TMEM161B: variants seen among roughly 807,000 people sequenced by gnomAD.
TMEM161B encodes the protein transmembrane protein 161B.
A neutral mutation model predicts 61.8 loss-of-function variants in TMEM161B; 34 were observed. That is an observed-to-expected ratio of 0.55 (90% CI 0.42 to 0.73). TMEM161B has a LOEUF of 0.73. Ranked by LOEUF, TMEM161B falls within the 30% of genes least tolerant of loss-of-function variation. TMEM161B has a pLI of 0.00. For synonymous variants in TMEM161B, 167 were observed against 192.8 expected (o/e 0.87, Z 1.11); for missense variants, 456 against 558.5 (o/e 0.82, Z 1.85).
chr5:88,241,156 T>C (rs140952257), intron 1 of TMEM161B, among the ~76,000 whole-genome samples: 2 of 151,812 alleles, frequency 1.3e-5, no homozygotes, highest in East Asian at 3.9e-4. Flanking sequence ...AAAAATAGAG[T>C]ATAACTATTA....
chr5:88,238,182 AT>A (rs1321057557), intron 2 of TMEM161B, among the ~76,000 whole-genome samples: 1 of 151,806 alleles, frequency 6.6e-6, no homozygotes, highest in Admixed American at 6.6e-5. Flanking sequence ...TTAAACTTGT[AT>A]TTTTTTTCTG....
downstream of TMEM161B, among the ~76,000 whole-genome samples, chr5:88,190,641 G>C (rs931877519): frequency 6.6e-6 from 1 of 152,196 alleles, no homozygotes; most frequent in Non-Finnish European, 1.5e-5. Context: ...AAGCTCGCTG[G>C]TGTCCTTTGC....
At chr5:88,206,059 CA>C in intron 7 of TMEM161B, 105 bp from the exon 8 acceptor site, 4 of 955,002 alleles carry the variant, frequency 4.2e-6, no homozygotes, top group Non-Finnish European at 6.2e-6. Flanking sequence ...AACAGTAAAA[CA>C]AAGCAAATTT....
chr5:88,220,900 T>A (rs533641304), intron 4 of TMEM161B, among the ~76,000 whole-genome samples, 181 bp from the exon 5 acceptor site: 1 of 152,288 alleles, frequency 6.6e-6, no homozygotes, highest in Non-Finnish European at 1.5e-5. Context: ...ACTGAGGATG[T>A]TAGCATCCCA....
At chr5:88,226,127 T>C (rs1750014323) in intron 3 of TMEM161B, among the ~76,000 whole-genome samples, 1 of 152,214 alleles carries the variant, frequency 6.6e-6, no homozygotes, top group Non-Finnish European at 1.5e-5. Context: ...AATCTTTTTT[T>C]TTCTAGCTTA....
chr5:88,207,301 A>C (rs1745701020), intron 5 of TMEM161B, 121 bp from the exon 6 acceptor site: 1 of 951,954 alleles, frequency 1.1e-6, no homozygotes, highest in South Asian at 2.0e-5. Flanking sequence ...GTGGAGTTTA[A>C]AACACTTTTA....
chr5:88,237,902 T>G (rs2112637102), intron 2 of TMEM161B, among the ~76,000 whole-genome samples: 1 of 152,224 alleles, frequency 6.6e-6, no homozygotes, highest in Middle Eastern at 3.4e-3. Flanking sequence ...AGGTATTAAC[T>G]CTTTCAGGAA....
intron 3 of TMEM161B, among the ~76,000 whole-genome samples, chr5:88,227,987 A>C (rs751232173): frequency 4.6e-5 from 7 of 152,206 alleles, no homozygotes; most frequent in Non-Finnish European, 1.0e-4. Flanking sequence ...ACATGAAAAG[A>C]ACATTCAGGA....
chr5:88,238,035 A>G (rs1752147542), intron 2 of TMEM161B, among the ~76,000 whole-genome samples: 1 of 152,126 alleles, frequency 6.6e-6, no homozygotes, highest in Non-Finnish European at 1.5e-5. Flanking sequence ...CAAAGATGCT[A>G]AAACTCCTTA....
downstream of TMEM161B, among the ~76,000 whole-genome samples, chr5:88,188,271 AT>A (rs1432595404): frequency 2.4e-5 from 2 of 83,458 alleles, no homozygotes; most frequent in Admixed American, 3.2e-4. Flanking sequence ...TGTCCAGCTA[AT>A]TTTTGTATTT....
chr5:88,226,722 G>C (rs1015710712), intron 3 of TMEM161B, among the ~76,000 whole-genome samples: 1 of 152,086 alleles, frequency 6.6e-6, no homozygotes, highest in East Asian at 1.9e-4. Context: ...CTTGTTACTA[G>C]GAACAAGGCA....
At chr5:88,227,687 A>G (rs903119037) in intron 3 of TMEM161B, among the ~76,000 whole-genome samples, 1 of 152,200 alleles carries the variant, frequency 6.6e-6, no homozygotes, top group Middle Eastern at 3.2e-3. Context: ...TAGCATTTTT[A>G]TGATATACAT....
At position 88,195,176 on chromosome 5, in the gene TMEM161B, T is replaced by C. The variant is rs187845453; in HGVS notation, c.*1035A>G. The stretch of plus-strand genomic sequence containing the variant: ...ATAAAACTTTAAATACACTCACACA[T>C]AGGCAACACAAATAAATTGCTTACT... On this transcript the variant is annotated 3_prime_UTR_variant, in exon 12 of 12. Transcript: ENST00000296595. 20 of 985,172 alleles carry C rather than the reference T, an allele frequency of 2.0e-5. No homozygotes were observed. The Admixed American group carries it at 9.2e-4, about 46-fold the overall frequency. The allele number at this position is 985,172 out of a possible 1,614,324, so 61.0% of individuals were successfully genotyped here.
At chr5:88,250,692 T>C (rs1391247205) in intron 1 of TMEM161B, 44 of 152,190 alleles carry the variant, frequency 2.9e-4, no homozygotes, top group Admixed American at 2.6e-3. Context: ...GTTTCTTCAC[T>C]GCAATTAGGC....
intron 5 of TMEM161B, among the ~76,000 whole-genome samples, chr5:88,218,848 G>GC: frequency 6.6e-6 from 1 of 152,214 alleles, no homozygotes; most frequent in Middle Eastern, 3.4e-3. Flanking sequence ...TTTCAAAAGC[G>GC]CAAGGTCACA....
At chr5:88,253,136 A>T (rs1468764650) in intron 1 of TMEM161B, among the ~76,000 whole-genome samples, 1 of 151,948 alleles carries the variant, frequency 6.6e-6, no homozygotes, top group East Asian at 1.9e-4. Flanking sequence ...TTATTGATAC[A>T]CTCTTTCTTT....
At position 88,206,419 on chromosome 5, in the gene TMEM161B, T is replaced by C. The variant is rs529683562; in HGVS notation, c.659+20A>G. The C allele has an allele frequency of 2.4e-5, 38 of 1,571,462 alleles. No homozygotes were observed. The African/African-American group carries it at 4.9e-4, about 20-fold the overall frequency. On this transcript the variant is annotated intron_variant, in intron 7 of 11. Coordinates refer to ENST00000296595, the MANE Select transcript of TMEM161B (RefSeq NM_153354.5). ...AGAAAAGGTTAAATTTAAATAATGC[T>C]TAATTTTTCAAAAACTTACTGAGAT...
At chr5:88,258,185 T>C (rs1755232900) in intron 1 of TMEM161B, among the ~76,000 whole-genome samples, 1 of 152,220 alleles carries the variant, frequency 6.6e-6, no homozygotes, top group Non-Finnish European at 1.5e-5. Context: ...ACAATGAATG[T>C]TTTTAAAGCG....
chr5:88,251,201 T>A (rs1008827410), intron 1 of TMEM161B, among the ~76,000 whole-genome samples: 1 of 152,016 alleles, frequency 6.6e-6, no homozygotes, highest in Non-Finnish European at 1.5e-5. Context: ...TATACTCAAC[T>A]GGGCCACAGG....
Sources: gnomAD v4.1 joint callset for allele counts (sites outside exome capture counted in the v4.1 genomes callset) on GRCh38, gnomAD v4.1.1 for gene constraint, MANE v1.5 for transcripts, NCBI Gene and HGNC (gene_info 2026-07-23, HGNC 2026-07-21) for gene names.